Variants in HEG1 observed in about 807,000 individuals in gnomAD.
The protein encoded by HEG1 is protein HEG homolog 1.
HEG1 carries 56 observed loss-of-function variants against 125.6 expected under a neutral mutation model. The ratio of observed to expected loss-of-function variants is 0.45; its 90% CI spans 0.36 to 0.56. The LOEUF is 0.56. Among genes scored for constraint, HEG1 ranks in the 20% least tolerant of loss-of-function variants. HEG1 has a pLI of 0.00. For synonymous variants in HEG1, 644 were observed against 668.5 expected (o/e 0.96, Z 0.57); for missense variants, 1,523 against 1,670.0 (o/e 0.91, Z 1.53).
At chr3:125,022,234 A>G (rs1176405606) in intron 3 of HEG1, among the ~76,000 whole-genome samples, 1 of 152,230 alleles carries the variant, frequency 6.6e-6, no homozygotes, top group African/African-American at 2.4e-5. Flanking sequence ...TAGGCTAAAA[A>G]TAATAAAAAG....
At chr3:125,047,722 A>T (rs1382195729) in intron 1 of HEG1, among the ~76,000 whole-genome samples, 1 of 152,196 alleles carries the variant, frequency 6.6e-6, no homozygotes, top group African/African-American at 2.4e-5. Context: ...GTGGTTTTCA[A>T]TTCTAGCCCA....
At position 125,029,361 on chromosome 3, in the gene HEG1, C is replaced by T. The variant is rs955814159; in HGVS notation, c.444G>A (p.Gly148=). ...SKEGVMVQTS[G]KSHAASDAPE... is the part of the protein sequence containing the mutation. Reference sequence around the variant, plus strand: ...GAGCATCCGAAGCAGCATGGCTCTTCCCAGAGGTCTGAACCATCACGCCCT... The same window carrying T: ...GAGCATCCGAAGCAGCATGGCTCTTTCCAGAGGTCTGAACCATCACGCCCT... Residue 148 remains glycine (G), a synonymous_variant, in exon 2 of 17, where the codon GGG becomes GGA. Transcript: ENST00000311127. 8.1e-6 allele frequency: 13 copies of T among 1,613,838 alleles called. No individual in the cohort carries two copies. Among genetic ancestry groups the T allele is most frequent in the Non-Finnish European group, 1.1e-5 (13 of 1,179,906 alleles).
intron 2 of HEG1, among the ~76,000 whole-genome samples, chr3:125,028,475 C>T (rs1288184508): frequency 1.3e-5 from 2 of 152,186 alleles, no homozygotes; most frequent in South Asian, 2.1e-4. Context: ...CTCTCCTCTG[C>T]ACCTCACTCT....
At chr3:124,990,313 CTT>C (rs887178666) in intron 14 of HEG1, among the ~76,000 whole-genome samples, 1 of 150,586 alleles carries the variant, frequency 6.6e-6, no homozygotes, top group African/African-American at 2.4e-5. Flanking sequence ...AAGTCTTTCT[CTT>C]TGTTTTTTTT....
At chr3:124,986,642 C>G (rs1271605871) in intron 14 of HEG1, among the ~76,000 whole-genome samples, 1 of 152,088 alleles carries the variant, frequency 6.6e-6, no homozygotes, top group Non-Finnish European at 1.5e-5. Flanking sequence ...CAAAAGTTAC[C>G]AAACTAAAGA....
intron 9 of HEG1, among the ~76,000 whole-genome samples, chr3:125,003,546 GCTGT>G (rs1351810805): frequency 3.9e-5 from 6 of 152,320 alleles, no homozygotes; most frequent in African/African-American, 7.2e-5. Context: ...CTTGGAATGT[GCTGT>G]CTAATAAAAA....
In HEG1 at chr3:124,970,554, G is replaced by T; in HGVS notation, c.*98C>A. 1 of 1,111,160 alleles carries T rather than the reference G, an allele frequency of 9.0e-7. No individual in the cohort carries two copies. The highest frequency in any genetic ancestry group is 1.3e-6 in the Non-Finnish European group (1 of 778,386). The allele number at this position is 1,111,160 out of a possible 1,614,324, so 68.8% of individuals were successfully genotyped here. ...CTCTTCCTGCTTGCCACTCAGCGTG[G>T]CTCCCGACAAATCCTGGGCGCAGCC... On this transcript the variant is annotated 3_prime_UTR_variant, in exon 17 of 17. Coordinates refer to ENST00000311127, the MANE Select transcript of HEG1 (RefSeq NM_020733.2).
At chr3:124,991,593 C>G (rs1936835235) in intron 12 of HEG1, among the ~76,000 whole-genome samples, 1 of 152,156 alleles carries the variant, frequency 6.6e-6, no homozygotes, top group African/African-American at 2.4e-5. Context: ...ATAGTAACCA[C>G]TAAATCAGGG....
chr3:125,031,254 G>A (rs1342243919), intron 1 of HEG1, among the ~76,000 whole-genome samples: 2 of 152,118 alleles, frequency 1.3e-5, no homozygotes, highest in East Asian at 3.9e-4. Flanking sequence ...AGCCAAAGCT[G>A]GGCCACTGCT....
intron 6 of HEG1, among the ~76,000 whole-genome samples, chr3:125,011,952 TACAA>T (rs1937162536): frequency 6.6e-6 from 1 of 152,208 alleles, no homozygotes; most frequent in Non-Finnish European, 1.5e-5. Context: ...TCAACGTGGC[TACAA>T]AAACAACCCT....
Position 125,013,372 on chromosome 3 carries a change from G to A in HEG1, c.2207C>T (p.Thr736Ile), listed in dbSNP as rs1319365896. The change falls in exon 6 of 17, where the codon ACA becomes ATA. Residue 736 changes from threonine (T) to isoleucine (I), a missense_variant. Thr to Ile is a moderately conservative substitution (Grantham distance 89). Coordinates refer to ENST00000311127, the MANE Select transcript of HEG1 (RefSeq NM_020733.2). The part of the protein sequence containing the change: ...STSAPLSVSQ[T>I]TLPQSSSTPV... ...GGTAGAAGATGACTGTGGCAAGGTTGTTTGTGAGACAGAAAGTGGGGCAGA... is the reference window on the plus strand; with the variant it reads ...GGTAGAAGATGACTGTGGCAAGGTTATTTGTGAGACAGAAAGTGGGGCAGA... The A allele has an allele frequency of 1.2e-6, 2 of 1,614,010 alleles. No homozygotes were observed. Among genetic ancestry groups the A allele is most frequent in the South Asian group, 2.2e-5 (2 of 91,086 alleles).
intron 1 of HEG1, among the ~76,000 whole-genome samples, chr3:125,031,841 C>T (rs1310149228): frequency 6.6e-6 from 1 of 152,068 alleles, no homozygotes; most frequent in African/African-American, 2.4e-5. Flanking sequence ...CGCACACACA[C>T]ATACACACGG....
rs1275171741 is a variant in HEG1 at position 125,009,691 on chromosome 3, A to T, written c.3193+14T>A. On this transcript the variant is annotated intron_variant, in intron 8 of 16. Coordinates refer to ENST00000311127, the MANE Select transcript of HEG1 (RefSeq NM_020733.2). ...TGGTACGGAATAAAGTCCGAAATAG[A>T]CTAAGTCTCTTACCCAAATTGCATA... 6 of 1,608,664 alleles carry T rather than the reference A, an allele frequency of 3.7e-6. No individual in the cohort carries two copies. The South Asian group carries it at 6.7e-5, about 18-fold the overall frequency.
intron 8 of HEG1, chr3:125,009,476 A>G (rs1432899234): frequency 3.0e-6 from 1 of 335,314 alleles, no homozygotes; most frequent in African/African-American, 2.1e-5. Context: ...CAGATATCCT[A>G]TGATTTCAAC....
chr3:124,994,591 C>T (rs903089897), intron 12 of HEG1, among the ~76,000 whole-genome samples: 5 of 151,932 alleles, frequency 3.3e-5, no homozygotes, highest in African/African-American at 7.3e-5. Flanking sequence ...CTGCAACCTC[C>T]GCCTCCTGGG....
intron 16 of HEG1, among the ~76,000 whole-genome samples, chr3:124,971,454 T>C (rs532277389): frequency 6.6e-6 from 1 of 151,872 alleles, no homozygotes; most frequent in South Asian, 2.1e-4. Flanking sequence ...CTTTTTCTTT[T>C]TTTACCTTTC....
Position 125,005,305 on chromosome 3 carries a change from T to G in HEG1, c.3257A>C (p.His1086Pro). 1 of 1,602,660 alleles carries G rather than the reference T, an allele frequency of 6.2e-7. No individual in the cohort carries two copies. Among genetic ancestry groups the G allele is most frequent in the Non-Finnish European group, 8.5e-7 (1 of 1,174,604 alleles). Residue 1086 changes from histidine to proline, a missense_variant, in exon 9 of 17, where the codon CAT becomes CCT. By Grantham distance (77) the His-to-Pro change is moderately conservative. Coordinates refer to ENST00000311127, the MANE Select transcript of HEG1 (RefSeq NM_020733.2). ...RTFLNTTVEK[H>P]SDLQEVENEI... ...ATTTTCAACTTCTTGTAGGTCTGAATGTTTTTCCACAGTTGTATTAAGAAA... is the reference window on the plus strand; with the variant it reads ...ATTTTCAACTTCTTGTAGGTCTGAAGGTTTTTCCACAGTTGTATTAAGAAA...
intron 16 of HEG1, among the ~76,000 whole-genome samples, chr3:124,973,242 C>T (rs1936478208): frequency 6.6e-6 from 1 of 152,010 alleles, no homozygotes; most frequent in Non-Finnish European, 1.5e-5. Flanking sequence ...ACCATGTTGC[C>T]CAGGCTGGTC....
At chr3:125,023,958 T>C (rs538428725) in intron 3 of HEG1, among the ~76,000 whole-genome samples, 3 of 117,220 alleles carry the variant, frequency 2.6e-5, no homozygotes, top group South Asian at 3.1e-4. Flanking sequence ...TTGCCGAAAG[T>C]ACAGCTGAAG....
Sources: gnomAD v4.1 joint callset for allele counts (sites outside exome capture counted in the v4.1 genomes callset) on GRCh38, gnomAD v4.1.1 for gene constraint, MANE v1.5 for transcripts, NCBI Gene and HGNC (gene_info 2026-07-23, HGNC 2026-07-21) for gene names.